AOX1: variants seen among roughly 807,000 people sequenced by gnomAD.
AOX1 encodes the protein aldehyde oxidase.
In AOX1, 153 loss-of-function variants were observed where a neutral mutation model predicts 169.5. The ratio of observed to expected loss-of-function variants is 0.90; its 90% confidence interval spans 0.79 to 1.03. AOX1 has a LOEUF of 1.03. Among genes scored for constraint, AOX1 ranks in the 50% least tolerant of loss-of-function variants. The pLI, the probability that AOX1 is intolerant of heterozygous loss-of-function variation, is 0.00. For missense variants in AOX1, 1,656 were observed against 1,663.9 expected, an observed-to-expected ratio of 1.00 and a Z score of 0.08; for synonymous variants, 562 against 581.9, an observed-to-expected ratio of 0.97 and a Z score of 0.49.
At chr2:200,626,461 C>T (rs1450614191) in intron 19 of AOX1, among the ~76,000 whole-genome samples, 1 of 152,230 alleles carries the variant, frequency 6.6e-6, no homozygotes, top group Non-Finnish European at 1.5e-5. Context: ...CAGGAGCTGG[C>T]ACACCACATT....
chr2:200,678,715 C>G (rs1324470537), downstream of AOX1: 1 of 128,270 alleles, frequency 7.8e-6, no homozygotes, highest in Non-Finnish European at 1.6e-5. Context: ...TTTAAGAAAG[C>G]AAAGCAAATT....
At position 200,662,895 on chromosome 2, in the gene AOX1, C is replaced by A. The variant is rs146913502; in HGVS notation, c.3469C>A (p.Gln1157Lys). ...SDMNWEKGEG[Q>K]PFEYFVYGAA... ...CATGAACTGGGAGAAAGGCGAAGGC[C>A]AGCCCTTCGAATACTTTGTTTATGG... is the stretch of plus-strand genomic sequence containing the variant. Residue 1157 changes from glutamine (Q) to lysine (K), a missense_variant, in exon 31 of 35, where the codon CAG becomes AAG. Transcript: ENST00000374700. The A allele has an allele frequency of 8.6e-5, 138 of 1,614,036 alleles. 1 individual carries two copies. In the African/African-American group the frequency reaches 1.3e-3, roughly 15 times the overall value.
At chr2:200,681,831 C>G (rs557773254), downstream of AOX1, among the ~76,000 whole-genome samples, 114 of 152,192 alleles carry the variant, frequency 7.5e-4, no homozygotes, top group African/African-American at 2.6e-3. Flanking sequence ...TGATGCAATT[C>G]CAATGTTACT....
chr2:200,668,644 A>G lies in AOX1; in HGVS notation c.3639A>G (p.Gly1213=). ...AAGGTGCATTTATTCAAGGCATGGG[A>G]CTTTATACAATAGAGGAACTGAATT... is the stretch of plus-strand genomic sequence containing the variant. ...QIEGAFIQGM[G]LYTIEELNYS... is the part of the protein sequence containing the mutation. The change falls in exon 33 of 35, where the codon GGA becomes GGG. Residue 1213 remains glycine, a synonymous_variant. Coordinates refer to ENST00000374700, the MANE Select transcript of AOX1 (RefSeq NM_001159.4). 6.2e-7 allele frequency: 1 copy of G among 1,612,978 alleles called. No homozygotes were observed. The highest frequency in any genetic ancestry group is 8.5e-7 in the Non-Finnish European group (1 of 1,179,676).
chr2:200,662,763 G>C (rs1429536520), intron 30 of AOX1, 92 bp from the exon 31 acceptor site: 3 of 933,568 alleles, frequency 3.2e-6, no homozygotes, highest in African/African-American at 3.2e-5. Context: ...GTATATTCCT[G>C]TGGCTTGCAT....
chr2:200,681,502 C>G (rs568154250), downstream of AOX1: 5 of 152,752 alleles, frequency 3.3e-5, no homozygotes, highest in East Asian at 9.6e-4. Flanking sequence ...AAGTCTCTAA[C>G]CTCTTCAACT....
chr2:200,657,190 A>ATATATATATATATATATATATATTTTTTT, intron 27 of AOX1, among the ~76,000 whole-genome samples: 1 of 62,880 alleles, frequency 1.6e-5, no homozygotes, highest in Non-Finnish European at 2.6e-5. Context: ...ATATATATAT[A>ATATATATATATATATATATATATTTTTTT]TTTTTTTTTT....
intron 26 of AOX1, among the ~76,000 whole-genome samples, chr2:200,656,576 T>C (rs1445022698): frequency 6.6e-6 from 1 of 152,142 alleles, no homozygotes; most frequent in Non-Finnish European, 1.5e-5. Context: ...CATTTTCATT[T>C]TTCTGGGACA....
chr2:200,645,020 T>C (rs1428672722), intron 25 of AOX1, among the ~76,000 whole-genome samples: 1 of 152,166 alleles, frequency 6.6e-6, no homozygotes. Flanking sequence ...TCTTTACCGA[T>C]TTGGATGCCC....
chr2:200,680,680 G>A (rs2036144746), downstream of AOX1, among the ~76,000 whole-genome samples: 1 of 152,062 alleles, frequency 6.6e-6, no homozygotes, highest in Non-Finnish European at 1.5e-5. Context: ...TGAGTAGCTG[G>A]GATTACAGGT....
chr2:200,603,373 G>A lies in AOX1; in HGVS notation c.588+17G>A. 1 of 1,595,732 alleles carries A rather than the reference G, an allele frequency of 6.3e-7. No individual in the cohort carries two copies. The highest frequency in any genetic ancestry group is 8.6e-7 in the Non-Finnish European group (1 of 1,163,588). The stretch of plus-strand genomic sequence containing the variant: ...GGAAGTAAGGTCAGTGAAATGTAAA[G>A]CTTTTATAAGGCTTTCTCAGGACAT... On this transcript the variant is annotated intron_variant, in intron 7 of 34. Transcript: ENST00000374700.
intron 20 of AOX1, 78 bp from the exon 21 acceptor site, chr2:200,634,713 A>G (rs2035195590): frequency 1.3e-6 from 2 of 1,560,934 alleles, no homozygotes; most frequent in Non-Finnish European, 1.7e-6. Flanking sequence ...GAATTTCTGC[A>G]TAACGGGATA....
chr2:200,597,598 C>T (rs2034312595), intron 4 of AOX1, 93 bp downstream of exon 4: 3 of 835,612 alleles, frequency 3.6e-6, no homozygotes, highest in South Asian at 4.7e-5. Flanking sequence ...CAGCCTGGGG[C>T]CTGCTGGCTC....
chr2:200,643,524 T>G (rs1182707497), intron 25 of AOX1, among the ~76,000 whole-genome samples: 1 of 152,156 alleles, frequency 6.6e-6, no homozygotes, highest in Non-Finnish European at 1.5e-5. Flanking sequence ...AACATGCAGG[T>G]GCAAGTATCT....
intron 1 of AOX1, among the ~76,000 whole-genome samples, chr2:200,590,858 C>G (rs2034155422): frequency 6.6e-6 from 1 of 152,116 alleles, no homozygotes; most frequent in Non-Finnish European, 1.5e-5. Flanking sequence ...TTATCTGAGA[C>G]CCACGTTTCT....
At chr2:200,620,198 ACT>A (rs377168858) in intron 16 of AOX1, among the ~76,000 whole-genome samples, 21 of 120,916 alleles carry the variant, frequency 1.7e-4, no homozygotes, top group African/African-American at 3.3e-4. Context: ...ATTAATAGTG[ACT>A]TTTTTTTTTT....
At position 200,662,989 on chromosome 2, in the gene AOX1, G is replaced by T. The variant is rs779060239; in HGVS notation, c.3543+20G>T. The T allele has an allele frequency of 1.2e-6, 2 of 1,601,840 alleles. No individual in the cohort carries two copies. The highest frequency in any genetic ancestry group is 2.2e-5 in the South Asian group (2 of 90,816). On this transcript the variant is annotated intron_variant, in intron 31 of 34. Transcript: ENST00000374700. ...CATAAGGTCAGTACCGGTTGGAAAG[G>T]TCTTCAAGTTGCACTTAGGATGCAC...
chr2:200,660,874 C>A (rs995273322), intron 29 of AOX1, among the ~76,000 whole-genome samples: 2 of 152,124 alleles, frequency 1.3e-5, no homozygotes, highest in Non-Finnish European at 2.9e-5. Flanking sequence ...TGTCCTCTGT[C>A]CCATGCTGCC....
chr2:200,628,658 G>A (rs1332745581), intron 20 of AOX1, among the ~76,000 whole-genome samples: 11 of 152,170 alleles, frequency 7.2e-5, no homozygotes, highest in Non-Finnish European at 5.9e-5. Context: ...GCTGGGCATG[G>A]TGACTCATGC....
Sources: gnomAD v4.1 joint callset for allele counts (sites outside exome capture counted in the v4.1 genomes callset) on GRCh38, gnomAD v4.1.1 for gene constraint, MANE v1.5 for transcripts, NCBI Gene and HGNC (gene_info 2026-07-23, HGNC 2026-07-21) for gene names.